MYO1D: variants seen among roughly 807,000 people sequenced by gnomAD.
The protein encoded by MYO1D is unconventional myosin-Id.
MYO1D carries 83 observed loss-of-function variants against 122.0 expected under a neutral mutation model. That is an observed-to-expected ratio of 0.68 (90% CI 0.57 to 0.82). The LOEUF is 0.82. Among genes scored for constraint, MYO1D ranks in the 40% least tolerant of loss-of-function variants. MYO1D has a pLI of 0.00. For missense variants in MYO1D, 1,157 were observed against 1,269.5 expected, an observed-to-expected ratio of 0.91 and a Z score of 1.35; for synonymous variants, 464 against 446.9, an observed-to-expected ratio of 1.04 and a Z score of -0.48.
At chr17:32,722,392 T>G (rs2089522392) in intron 14 of MYO1D, among the ~76,000 whole-genome samples, 1 of 152,218 alleles carries the variant, frequency 6.6e-6, no homozygotes, top group African/African-American at 2.4e-5. Flanking sequence ...GGGTTGGTGT[T>G]TTTGGGAGCT....
chr17:32,660,989 G>A (rs1438195629), intron 16 of MYO1D, among the ~76,000 whole-genome samples: 3 of 152,060 alleles, frequency 2.0e-5, no homozygotes, highest in Non-Finnish European at 4.4e-5. Flanking sequence ...ACTCCTTGGA[G>A]CCACATCTAT....
At chr17:32,503,144 TGTTCCCTG>T (rs1220162611) in intron 21 of MYO1D, among the ~76,000 whole-genome samples, 1 of 152,248 alleles carries the variant, frequency 6.6e-6, no homozygotes, top group Non-Finnish European at 1.5e-5. Context: ...TGAACAAACA[TGTTCCCTG>T]TGCTACCTGT....
chr17:32,590,943 A>G (rs1020319831), intron 21 of MYO1D, among the ~76,000 whole-genome samples: 1 of 152,248 alleles, frequency 6.6e-6, no homozygotes, highest in Non-Finnish European at 1.5e-5. Context: ...GGAAATGATG[A>G]AAAGATCAGT....
chr17:32,846,973 C>T (rs796503302), intron 1 of MYO1D, among the ~76,000 whole-genome samples: 3 of 152,146 alleles, frequency 2.0e-5, no homozygotes, highest in African/African-American at 4.8e-5. Flanking sequence ...GGGAACAGAA[C>T]GAGACCCTGT....
rs1013230844 is a variant in MYO1D, at chr17:32,767,260, A to G, written c.831+376T>C. On this transcript the variant is annotated intron_variant, in intron 7 of 21. Coordinates refer to ENST00000318217, the MANE Select transcript of MYO1D (RefSeq NM_015194.3). ...TGCCACCCATCAGGGCTATTTCCCA[A>G]TCTGTAAAATGAGATGATTAAAAAT... Among the ~76,000 whole-genome samples, 26 of 152,322 alleles carry G rather than the reference A, an allele frequency of 1.7e-4. No homozygotes were observed. In the East Asian group the frequency reaches 5.0e-3, roughly 29 times the overall value.
chr17:32,803,432 C>T (rs1247467096), intron 1 of MYO1D, among the ~76,000 whole-genome samples: 1 of 152,154 alleles, frequency 6.6e-6, no homozygotes, highest in South Asian at 2.1e-4. Flanking sequence ...AGGTGTAAGC[C>T]ACCACGCCGG....
At chr17:32,544,264 T>TA (rs559388521) in intron 21 of MYO1D, among the ~76,000 whole-genome samples, 16,670 of 139,070 alleles carry the variant, frequency 0.12, 2,357 homozygotes, top group African/African-American at 0.35. Context: ...CCCAGCTAAT[T>TA]AAAAAAAAAA....
At chr17:32,842,350 A>G (rs964040519) in intron 1 of MYO1D, among the ~76,000 whole-genome samples, 1 of 152,128 alleles carries the variant, frequency 6.6e-6, no homozygotes, top group African/African-American at 2.4e-5. Flanking sequence ...AAGGTTTCCG[A>G]GACAGTTAAT....
intron 10 of MYO1D, 194 bp from the exon 11 acceptor site, chr17:32,755,856 T>C: frequency 2.0e-6 from 1 of 492,588 alleles, no homozygotes; most frequent in Admixed American, 3.8e-5. Flanking sequence ...CTTTGTTAAC[T>C]TTCTATCATG....
chr17:32,841,950 A>G (rs1416177993), intron 1 of MYO1D, among the ~76,000 whole-genome samples: 1 of 152,162 alleles, frequency 6.6e-6, no homozygotes, highest in Non-Finnish European at 1.5e-5. Flanking sequence ...ATTACACAAA[A>G]TAAGAGAGAG....
At chr17:32,640,826 G>A (rs2088188636) in intron 19 of MYO1D, among the ~76,000 whole-genome samples, 1 of 151,780 alleles carries the variant, frequency 6.6e-6, no homozygotes, top group African/African-American at 2.4e-5. Flanking sequence ...AAGGGTCCAT[G>A]GACAAGTTGG....
intron 15 of MYO1D, among the ~76,000 whole-genome samples, chr17:32,720,619 CTTAGG>C (rs1340023983): frequency 2.6e-5 from 4 of 152,028 alleles, no homozygotes; most frequent in African/African-American, 4.8e-5. Flanking sequence ...AGGCTTTTTA[CTTAGG>C]TTAATTTCTC....
At chr17:32,498,016 G>A (rs1363474461) in intron 21 of MYO1D, 3 of 152,400 alleles carry the variant, frequency 2.0e-5, no homozygotes, top group Admixed American at 1.3e-4. Flanking sequence ...CACCGGCCCA[G>A]CCCCTGGGGC....
At chr17:32,821,691 G>A (rs2090666618) in intron 1 of MYO1D, among the ~76,000 whole-genome samples, 1 of 152,082 alleles carries the variant, frequency 6.6e-6, no homozygotes, top group South Asian at 2.1e-4. Flanking sequence ...GGACTGGGGG[G>A]AAAAGTTTTT....
chr17:32,753,066 A>G (rs891654558), intron 11 of MYO1D, among the ~76,000 whole-genome samples: 1 of 152,228 alleles, frequency 6.6e-6, no homozygotes, highest in Non-Finnish European at 1.5e-5. Context: ...TGTGATATAC[A>G]TATATATAAT....
intron 6 of MYO1D, among the ~76,000 whole-genome samples, chr17:32,768,619 T>A (rs142961094): frequency 6.6e-6 from 1 of 152,296 alleles, no homozygotes; most frequent in African/African-American, 2.4e-5. Context: ...GTTCCTCTAG[T>A]GTCCAGGAGA....
At chr17:32,817,922 C>T (rs2090625886) in intron 1 of MYO1D, among the ~76,000 whole-genome samples, 1 of 151,002 alleles carries the variant, frequency 6.6e-6, no homozygotes, top group South Asian at 2.1e-4. Context: ...GTCAGGAGAT[C>T]GAGACCATCC....
chr17:32,702,959 T>C (rs2089266369), intron 16 of MYO1D, among the ~76,000 whole-genome samples: 2 of 152,252 alleles, frequency 1.3e-5, no homozygotes, highest in South Asian at 4.1e-4. Flanking sequence ...CAGTTCTTGC[T>C]GCTGTAGAAT....
At chr17:32,683,273 T>G (rs1219357330) in intron 16 of MYO1D, among the ~76,000 whole-genome samples, 1 of 152,150 alleles carries the variant, frequency 6.6e-6, no homozygotes, top group Non-Finnish European at 1.5e-5. Flanking sequence ...TCCATCCAGC[T>G]TTGTTCCGTT....
Sources: gnomAD v4.1 joint callset for allele counts (sites outside exome capture counted in the v4.1 genomes callset) on GRCh38, gnomAD v4.1.1 for gene constraint, MANE v1.5 for transcripts, NCBI Gene and HGNC (gene_info 2026-07-23, HGNC 2026-07-21) for gene names.